The following LAMC3 variants were observed in gnomAD, a reference collection of about 807,000 sequenced individuals.
LAMC3 encodes the protein laminin subunit gamma-3.
A neutral mutation model predicts 173.8 loss-of-function variants in LAMC3; 128 were observed. The ratio of observed to expected loss-of-function variants is 0.74; its 90% CI spans 0.64 to 0.85. LAMC3 has a LOEUF of 0.85. Ranked by LOEUF, LAMC3 falls within the 40% of genes least tolerant of loss-of-function variation. LAMC3 has a pLI of 0.00. For synonymous variants in LAMC3, 897 were observed against 909.1 expected (o/e 0.99, Z 0.24); for missense variants, 2,022 against 2,156.0 (o/e 0.94, Z 1.23).
Position 131,061,047 on chromosome 9 carries a change from G to T in LAMC3, c.2171G>T (p.Cys724Phe). 1.9e-6 allele frequency: 3 copies of T among 1,614,082 alleles called. No homozygotes were observed. The highest frequency in any genetic ancestry group is 2.5e-6 in the Non-Finnish European group (3 of 1,180,016). Reference sequence around the variant, plus strand: ...TCTTGCCCCTCAGGGATCTGTGTCTGCAGCCACCATACCGAGGGCCCATCC... The same window carrying T: ...TCTTGCCCCTCAGGGATCTGTGTCTTCAGCCACCATACCGAGGGCCCATCC... Reference protein sequence around the residue: ...TCDPNTGICVCSHHTEGPSCE... With the variant: ...TCDPNTGICVFSHHTEGPSCE... Residue 724 changes from cysteine to phenylalanine, a missense_variant, in exon 13 of 28, where the codon TGC becomes TTC. Transcript: ENST00000361069.
At chr9:131,039,451 G>A (rs866661684) in intron 6 of LAMC3, among the ~76,000 whole-genome samples, 1 of 152,092 alleles carries the variant, frequency 6.6e-6, no homozygotes, top group Non-Finnish European at 1.5e-5. Context: ...GCTGAGCCCT[G>A]TGGAAGCTCA....
chr9:131,031,471 G>A (rs1833821700), intron 2 of LAMC3, among the ~76,000 whole-genome samples: 1 of 152,232 alleles, frequency 6.6e-6, no homozygotes, highest in African/African-American at 2.4e-5. Flanking sequence ...ACCTGAGGCA[G>A]GTGACCTGTC....
Position 131,026,119 on chromosome 9 carries a change from C to T in LAMC3, c.374-166C>T, listed in dbSNP as rs531662008. The stretch of plus-strand genomic sequence containing the variant: ...GTGGGCATTGTCCTTTCCAGTGCCC[C>T]AGCAGGCATCATGAATGGAGGGTGG... On this transcript the variant is annotated intron_variant, in intron 1 of 27. Coordinates refer to ENST00000361069, the MANE Select transcript of LAMC3 (RefSeq NM_006059.4). This position sits in a 1 kb window ranked among gnomAD's most constrained non-coding sequence, Gnocchi z 4.8. 6.6e-6 allele frequency among the ~76,000 whole-genome samples: 1 copy of T among 152,302 alleles called. No individual in the cohort carries two copies. Among genetic ancestry groups the T allele is most frequent in the African/African-American group, 2.4e-5 (1 of 41,550 alleles).
intron 6 of LAMC3, 49 bp from the exon 7 acceptor site, chr9:131,041,588 T>C: frequency 2.6e-6 from 4 of 1,542,842 alleles, no homozygotes; most frequent in Non-Finnish European, 3.6e-6. Flanking sequence ...CTGTTGCCAT[T>C]CTGAATTTGC....
chr9:131,082,079 C>T lies in LAMC3; in HGVS notation c.3948C>T (p.Ala1316=), dbSNP rs780247167. ...TCCAGCTGCACCAGGAGGCCAGAGCCGCCCTGACCCAGGCTTCCTCATCTG... is the reference window on the plus strand; with the variant it reads ...TCCAGCTGCACCAGGAGGCCAGAGCTGCCCTGACCCAGGCTTCCTCATCTG... The part of the protein sequence containing the change: ...PLTKLHQEAR[A]ALTQASSSVQ... Residue 1316 remains alanine (A), a synonymous_variant, in exon 24 of 28, where the codon GCC becomes GCT. Transcript: ENST00000361069. 23 of 1,613,740 alleles carry T rather than the reference C, an allele frequency of 1.4e-5. No individual in the cohort carries two copies. Among genetic ancestry groups the T allele is most frequent in the Admixed American group, 3.3e-5 (2 of 60,002 alleles).
chr9:131,013,764 A>G (rs1268963072), intron 1 of LAMC3, among the ~76,000 whole-genome samples: 1 of 152,098 alleles, frequency 6.6e-6, no homozygotes, highest in Non-Finnish European at 1.5e-5. Context: ...GCCTGAGTGC[A>G]GACACCGAGA....
In LAMC3 at chr9:131,052,586, AG is replaced by A. The variant is rs2133281256; in HGVS notation, c.1728del (p.Arg576SerfsTer11). On this transcript the variant is annotated frameshift_variant, in exon 10 of 28. Transcript: ENST00000361069. LOFTEE classifies it high-confidence loss of function. ...PGDSPLPVQL[R>X]LEGTGLALSL... ...GGACTCCCCACTCCCTGTACAGCTG[AG>A]GCTGGAAGGGACAGGCTTGGCCCTG... is the stretch of plus-strand genomic sequence containing the variant. The A allele has an allele frequency of 2.5e-6, 4 of 1,614,030 alleles. No individual in the cohort carries two copies. Among genetic ancestry groups the A allele is most frequent in the Non-Finnish European group, 3.4e-6 (4 of 1,179,968 alleles).
intron 7 of LAMC3, among the ~76,000 whole-genome samples, 191 bp from the exon 8 acceptor site, chr9:131,045,333 G>T (rs935790871): frequency 3.9e-5 from 6 of 152,130 alleles, no homozygotes; most frequent in African/African-American, 1.4e-4. Flanking sequence ...CAGCATCAGG[G>T]GAGGCTGTCT....
intron 11 of LAMC3, among the ~76,000 whole-genome samples, chr9:131,054,587 C>G (rs1171852102): frequency 6.6e-6 from 1 of 152,060 alleles, no homozygotes; most frequent in Non-Finnish European, 1.5e-5. Context: ...AACCCCATCT[C>G]TACTAAAAAT....
At chr9:131,043,565 A>C (rs113229112) in intron 7 of LAMC3, among the ~76,000 whole-genome samples, 1,945 of 152,396 alleles carry the variant, frequency 0.013, 22 homozygotes, top group Admixed American at 0.019. Flanking sequence ...GAGCAACAAA[A>C]TAAACGATAG....
At position 131,093,591 on chromosome 9, in the gene LAMC3, C is replaced by T. The variant is rs56394736; in HGVS notation, c.*1804C>T. 218 of 152,416 alleles carry T rather than the reference C, an allele frequency of 1.4e-3. No individual in the cohort carries two copies. Among genetic ancestry groups the T allele is most frequent in the Non-Finnish European group, 2.7e-3 (186 of 68,120 alleles). The allele number at this position is 152,416 out of a possible 1,614,324, so 9.4% of individuals were successfully genotyped here. A position where few individuals can be genotyped will look rare whatever the true frequency, so the allele number is the denominator to read the frequency against. Reference sequence around the variant, plus strand: ...GAGCTGCTCAGTCAGGGCTCTTGGCCGCAGGCCTCAAACCCCTCCTGAGGT... The same window carrying T: ...GAGCTGCTCAGTCAGGGCTCTTGGCTGCAGGCCTCAAACCCCTCCTGAGGT... On this transcript the variant is annotated 3_prime_UTR_variant, in exon 28 of 28. Transcript: ENST00000361069.
chr9:131,066,185 AC>A (rs754701310), intron 13 of LAMC3, among the ~76,000 whole-genome samples: 11 of 151,608 alleles, frequency 7.3e-5, no homozygotes, highest in Non-Finnish European at 1.5e-4. Flanking sequence ...ACAGGACGAG[AC>A]TGCATCTCAA....
Position 131,052,909 on chromosome 9 carries a change from T to A in LAMC3, c.1883T>A (p.Leu628His), listed in dbSNP as rs947518808. Residue 628 changes from leucine to histidine, a missense_variant, in exon 11 of 28, where the codon CTC becomes CAC. By Grantham distance (99) the Leu-to-His change is moderately conservative. Coordinates refer to ENST00000361069, the MANE Select transcript of LAMC3 (RefSeq NM_006059.4). Reference sequence around the variant, plus strand: ...CTGCCCCCCTTCCACTTCCAGCGGCTCCTCGCCAACCTGACCAGCCTCCGC... The same window carrying A: ...CTGCCCCCCTTCCACTTCCAGCGGCACCTCGCCAACCTGACCAGCCTCCGC... ...PPLPPFHFQR[L>H]LANLTSLRLR... is the part of the protein sequence containing the mutation. 3 of 1,613,274 alleles carry A rather than the reference T, an allele frequency of 1.9e-6. No homozygotes were observed. In the African/African-American group the frequency reaches 4.0e-5, roughly 22 times the overall value.
At position 131,068,909 on chromosome 9, in the gene LAMC3, T is replaced by A; in HGVS notation, c.2749T>A (p.Cys917Ser). The A allele has an allele frequency of 6.2e-7, 1 of 1,614,012 alleles. No homozygotes were observed. The highest frequency in any genetic ancestry group is 8.5e-7 in the Non-Finnish European group (1 of 1,180,008). The change falls in exon 16 of 28, where the codon TGC (cysteine) becomes AGC (serine). Residue 917 changes from cysteine to serine, a missense_variant and splice_region_variant. Coordinates refer to ENST00000361069, the MANE Select transcript of LAMC3 (RefSeq NM_006059.4). ...ACCCAGTTCCTTCCCTGATCACAGCTGCAAGTGTCACCCACTGGGCTCCCA... is the reference window on the plus strand; with the variant it reads ...ACCCAGTTCCTTCCCTGATCACAGCAGCAAGTGTCACCCACTGGGCTCCCA... ...DLQPGRGCRS[C>S]KCHPLGSQED...
rs970350318 is a variant in LAMC3 at position 131,009,679 on chromosome 9, T to A, written c.373+92T>A. 2.7e-6 allele frequency: 4 copies of A among 1,471,990 alleles called. No individual in the cohort carries two copies. The Admixed American group carries it at 6.1e-5, about 22-fold the overall frequency. The allele number at this position is 1,471,990 out of a possible 1,614,324, so 91.2% of individuals were successfully genotyped here. A position where few individuals can be genotyped will look rare whatever the true frequency, so the allele number is the denominator to read the frequency against. On this transcript the variant is annotated intron_variant, in intron 1 of 27. Coordinates refer to ENST00000361069, the MANE Select transcript of LAMC3 (RefSeq NM_006059.4). This position sits in a 1 kb window ranked among gnomAD's most constrained non-coding sequence, Gnocchi z 4.3. ...AGGCCTGAGCTGCTGTGCGCCCAGG[T>A]TGGGCTGCAGGACCCAGATATGGTG...
At chr9:131,067,438 C>T (rs532983455) in intron 14 of LAMC3, among the ~76,000 whole-genome samples, 29 of 152,274 alleles carry the variant, frequency 1.9e-4, no homozygotes, top group Non-Finnish European at 3.4e-4. Context: ...AACTCTGATC[C>T]GAAGCCTGGA....
At chr9:131,066,309 G>A (rs1829930651) in intron 13 of LAMC3, among the ~76,000 whole-genome samples, 1 of 151,676 alleles carries the variant, frequency 6.6e-6, no homozygotes, top group South Asian at 2.1e-4. Flanking sequence ...GGGCCAACAT[G>A]GTGAAACCCC....
chr9:131,031,706 C>T (rs1056812181), intron 2 of LAMC3, among the ~76,000 whole-genome samples: 1 of 152,198 alleles, frequency 6.6e-6, no homozygotes, highest in Admixed American at 6.5e-5. Flanking sequence ...GCTTCCTGAC[C>T]ACGGGCCCGA....
rs1829807944 is a variant in LAMC3, at chr9:131,061,125, A to G, written c.2249A>G (p.Asp750Gly). The change falls in exon 13 of 28, where the codon GAC becomes GGC. Residue 750 changes from aspartate to glycine, a missense_variant. Asp to Gly is a moderately conservative substitution (Grantham distance 94). Transcript: ENST00000361069. The stretch of plus-strand genomic sequence containing the variant: ...GGCAACCCTTTCGCGGGCCAAGCCG[A>G]CGACTGCCAGCCCTGTCCCTGCCCT... ...FYGNPFAGQA[D>G]DCQPCPCPGQ... 2 of 1,613,772 alleles carry G rather than the reference A, an allele frequency of 1.2e-6. No homozygotes were observed. The highest frequency in any genetic ancestry group is 1.3e-5 in the African/African-American group (1 of 75,020).
Sources: gnomAD v4.1 joint callset for allele counts (sites outside exome capture counted in the v4.1 genomes callset) on GRCh38, gnomAD v4.1.1 for gene constraint, Gnocchi (gnomAD v3.1) non-coding constraint, MANE v1.5 for transcripts, NCBI Gene and HGNC (gene_info 2026-07-23, HGNC 2026-07-21) for gene names.